ARHGAP24: variants seen among roughly 807,000 people sequenced by gnomAD.
The protein encoded by ARHGAP24 is Rho GTPase activating protein 24.
ARHGAP24 carries 50 observed loss-of-function variants against 76.4 expected under a neutral mutation model. That is an observed-to-expected ratio of 0.65 (90% confidence interval 0.52 to 0.83). ARHGAP24 has a LOEUF of 0.83. ARHGAP24 is among the 40% of genes least tolerant of loss of function. ARHGAP24 has a pLI of 0.00. For synonymous variants in ARHGAP24, 345 were observed against 323.3 expected (o/e 1.07, Z -0.72); for missense variants, 930 against 914.2 (o/e 1.02, Z -0.22).
intron 3 of ARHGAP24, among the ~76,000 whole-genome samples, chr4:85,722,819 G>C (rs1316634027): frequency 6.6e-6 from 1 of 152,014 alleles, no homozygotes; most frequent in Non-Finnish European, 1.5e-5. Context: ...AATTTATTTG[G>C]GTAAGTAATG....
chr4:85,610,435 A>G (rs1161422833), intron 2 of ARHGAP24, among the ~76,000 whole-genome samples: 1 of 109,486 alleles, frequency 9.1e-6, no homozygotes, highest in Non-Finnish European at 1.7e-5. Flanking sequence ...CAGAGTGAGG[A>G]GTGAGACTCC....
chr4:85,707,451 G>A (rs149862367), intron 2 of ARHGAP24, among the ~76,000 whole-genome samples: 13 of 152,122 alleles, frequency 8.5e-5, no homozygotes, highest in Admixed American at 5.9e-4. Flanking sequence ...ACCGTGTCTA[G>A]CAAAATATTT....
Position 85,525,649 on chromosome 4 carries a change from T to G in ARHGAP24, c.-20-44873T>G, listed in dbSNP as rs113465117. On this transcript the variant is annotated intron_variant, in intron 1 of 9. Transcript: ENST00000395184. Reference sequence around the variant, plus strand: ...TACTGTACTAGATCTCTTGCATATTTGTAGCTCATTAAATTTAATCACCAC... The same window carrying G: ...TACTGTACTAGATCTCTTGCATATTGGTAGCTCATTAAATTTAATCACCAC... 1.4e-4 allele frequency among the ~76,000 whole-genome samples: 22 copies of G among 152,286 alleles called. 1 individual carries two copies. The highest frequency in any genetic ancestry group is 5.3e-4 in the African/African-American group (22 of 41,572).
chr4:85,705,591 G>A (rs893510254), intron 2 of ARHGAP24, among the ~76,000 whole-genome samples: 10 of 152,088 alleles, frequency 6.6e-5, no homozygotes, highest in East Asian at 3.9e-4. Flanking sequence ...CCATTTTTTC[G>A]TGTGCTTACC....
intron 1 of ARHGAP24, among the ~76,000 whole-genome samples, chr4:85,547,054 A>G (rs1209426332): frequency 6.6e-6 from 1 of 152,216 alleles, no homozygotes; most frequent in African/African-American, 2.4e-5. Context: ...AAATGATCAA[A>G]AAAAGAAAAT....
intron 8 of ARHGAP24, among the ~76,000 whole-genome samples, chr4:85,981,175 C>G (rs1221157330): frequency 6.6e-6 from 1 of 152,140 alleles, no homozygotes; most frequent in African/African-American, 2.4e-5. Flanking sequence ...ACTGATTTTT[C>G]TTGGAACTCC....
chr4:85,794,251 T>A (rs12503243), intron 3 of ARHGAP24, among the ~76,000 whole-genome samples: 16,608 of 152,164 alleles, frequency 0.11, 1,948 homozygotes, highest in East Asian at 0.62. Flanking sequence ...GCAGTTTACA[T>A]CTGTCAAAAG....
chr4:85,609,536 A>C lies in ARHGAP24; in HGVS notation c.180+38815A>C, dbSNP rs188278187. ...ATATGTTTTGCATAATACATATAAA[A>C]TTTTTATTAATTAATCTGGAATGAC... is the stretch of plus-strand genomic sequence containing the variant. On this transcript the variant is annotated intron_variant, in intron 2 of 9. Transcript: ENST00000395184. Among the ~76,000 whole-genome samples the C allele has an allele frequency of 5.2e-3, 787 of 152,316 alleles. 2 individuals are homozygous for C. Among genetic ancestry groups the C allele is most frequent in the Middle Eastern group, 0.014 (4 of 294 alleles).
At chr4:85,968,909 T>G in intron 5 of ARHGAP24, among the ~76,000 whole-genome samples, 1 of 152,140 alleles carries the variant, frequency 6.6e-6, no homozygotes, top group Middle Eastern at 3.2e-3. Context: ...AATTGTTCAT[T>G]TTTTCTTCAT....
chr4:85,726,516 G>T (rs897210298), intron 3 of ARHGAP24, among the ~76,000 whole-genome samples: 1 of 152,262 alleles, frequency 6.6e-6, no homozygotes, highest in Middle Eastern at 3.4e-3. Flanking sequence ...GCTTCAAACT[G>T]AGGGGCTGGG....
chr4:85,868,441 T>C (rs1383502432), intron 3 of ARHGAP24, among the ~76,000 whole-genome samples: 1 of 152,174 alleles, frequency 6.6e-6, no homozygotes, highest in East Asian at 1.9e-4. Context: ...CTCTACAGAA[T>C]GCAAATTTCC....
At chr4:85,553,593 C>A (rs938825280) in intron 1 of ARHGAP24, among the ~76,000 whole-genome samples, 1 of 152,054 alleles carries the variant, frequency 6.6e-6, no homozygotes, top group Non-Finnish European at 1.5e-5. Flanking sequence ...GGTGCATTTA[C>A]AAACCTTTAG....
chr4:85,553,609 C>T (rs957770647), intron 1 of ARHGAP24, among the ~76,000 whole-genome samples: 3 of 152,098 alleles, frequency 2.0e-5, no homozygotes, highest in Non-Finnish European at 4.4e-5. Flanking sequence ...TTTAGCTAGA[C>T]ACAGAGCACT....
chr4:85,981,422 C>T (rs1175084849), intron 8 of ARHGAP24, among the ~76,000 whole-genome samples: 1 of 152,132 alleles, frequency 6.6e-6, no homozygotes, highest in East Asian at 1.9e-4. Context: ...ATTAACAAAT[C>T]TATAGTATCT....
At chr4:85,744,401 C>G (rs1219706436) in intron 3 of ARHGAP24, among the ~76,000 whole-genome samples, 1 of 152,152 alleles carries the variant, frequency 6.6e-6, no homozygotes. Flanking sequence ...GTCACATACT[C>G]ACTCTATATG....
chr4:85,540,838 G>A (rs80142941), intron 1 of ARHGAP24, among the ~76,000 whole-genome samples: 7,972 of 152,116 alleles, frequency 0.052, 248 homozygotes, highest in African/African-American at 0.075. Context: ...GTTAGCAGAG[G>A]CACTGCTTTT....
rs553619949 is a variant in ARHGAP24, at chr4:85,990,943, T to C, written c.929-3640T>C. 8 of 152,126 alleles carry C rather than the reference T, an allele frequency of 5.3e-5. No homozygotes were observed. The South Asian group carries it at 1.7e-3, about 32-fold the overall frequency. The allele number at this position is 152,126 out of a possible 1,614,324, so 9.4% of individuals were successfully genotyped here. A position where few individuals can be genotyped will look rare whatever the true frequency, so the allele number is the denominator to read the frequency against. ...TTTGATAAGTTGGACTTTGTCAAAATTGACACTTTTCAAAAAGTCAAGCCT... is the reference window on the plus strand; with the variant it reads ...TTTGATAAGTTGGACTTTGTCAAAACTGACACTTTTCAAAAAGTCAAGCCT... On this transcript the variant is annotated intron_variant, in intron 8 of 9. Coordinates refer to ENST00000395184, the MANE Select transcript of ARHGAP24 (RefSeq NM_001025616.3).
At chr4:85,587,689 G>T (rs1727918556) in intron 2 of ARHGAP24, among the ~76,000 whole-genome samples, 1 of 152,144 alleles carries the variant, frequency 6.6e-6, no homozygotes, top group Non-Finnish European at 1.5e-5. Context: ...AATAAGTGCA[G>T]TTCCATCAAT....
chr4:85,880,124 G>A (rs1733161306), intron 3 of ARHGAP24, among the ~76,000 whole-genome samples: 1 of 152,004 alleles, frequency 6.6e-6, no homozygotes, highest in South Asian at 2.1e-4. Context: ...TCTAAATTAG[G>A]CACAGTAGCA....
Sources: gnomAD v4.1 joint callset for allele counts (sites outside exome capture counted in the v4.1 genomes callset) on GRCh38, gnomAD v4.1.1 for gene constraint, MANE v1.5 for transcripts, NCBI Gene and HGNC (gene_info 2026-07-23, HGNC 2026-07-21) for gene names.